SYN3: variants seen among roughly 807,000 people sequenced by gnomAD.
SYN3 encodes synapsin III.
A neutral mutation model predicts 65.8 loss-of-function variants in SYN3; 35 were observed. The observed-to-expected ratio is 0.53, with a 90% CI of 0.41 to 0.70. The LOEUF is 0.70. Among genes scored for constraint, SYN3 ranks in the 30% least tolerant of loss-of-function variants. SYN3 has a pLI of 0.00. For synonymous variants in SYN3, 270 were observed against 292.9 expected (o/e 0.92, Z 0.80); for missense variants, 680 against 749.0 (o/e 0.91, Z 1.08).
intron 13 of SYN3, 149 bp from the exon 14 acceptor site, chr22:32,513,973 A>G (rs1347154106): frequency 7.9e-6 from 8 of 1,008,192 alleles, no homozygotes; most frequent in Non-Finnish European, 1.1e-5. Context: ...TGCTTACATG[A>G]TGTCAGGTAC....
At chr22:32,842,172 C>T (rs2047929175) in intron 6 of SYN3, among the ~76,000 whole-genome samples, 1 of 152,204 alleles carries the variant, frequency 6.6e-6, no homozygotes, top group African/African-American at 2.4e-5. Context: ...CGACTTCACC[C>T]AGACCCCACG....
intron 6 of SYN3, among the ~76,000 whole-genome samples, chr22:32,718,520 A>G (rs1416481160): frequency 6.6e-6 from 1 of 151,930 alleles, no homozygotes; most frequent in Non-Finnish European, 1.5e-5. Flanking sequence ...AAAAAAAAAA[A>G]GAAAAAAGAA....
chr22:32,797,980 G>A (rs1250379851), intron 6 of SYN3, among the ~76,000 whole-genome samples: 1 of 152,162 alleles, frequency 6.6e-6, no homozygotes, highest in Non-Finnish European at 1.5e-5. Flanking sequence ...TGCAACATTG[G>A]GAACAAATCT....
chr22:32,992,799 C>A (rs998346643), intron 2 of SYN3, among the ~76,000 whole-genome samples: 2 of 152,066 alleles, frequency 1.3e-5, no homozygotes, highest in African/African-American at 4.8e-5. Context: ...GGTGACATAG[C>A]GAGACTCCAT....
intron 7 of SYN3, among the ~76,000 whole-genome samples, chr22:32,574,555 G>A (rs2058825485): frequency 6.6e-6 from 1 of 152,178 alleles, no homozygotes; most frequent in Non-Finnish European, 1.5e-5. Context: ...TTCATAACAT[G>A]CACCTACAGG....
chr22:32,988,472 G>A (rs1255306850), intron 2 of SYN3, among the ~76,000 whole-genome samples: 1 of 152,078 alleles, frequency 6.6e-6, no homozygotes, highest in Non-Finnish European at 1.5e-5. Context: ...CAAAGACGCT[G>A]AACATACACA....
intron 3 of SYN3, among the ~76,000 whole-genome samples, chr22:32,964,511 T>G (rs1278527990): frequency 1.3e-5 from 2 of 151,742 alleles, no homozygotes; most frequent in African/African-American, 4.8e-5. Flanking sequence ...CTTTAGGCTG[T>G]AAGAAGCAGG....
intron 6 of SYN3, among the ~76,000 whole-genome samples, chr22:32,679,739 A>G (rs1390181022): frequency 1.3e-5 from 2 of 151,440 alleles, no homozygotes; most frequent in African/African-American, 4.9e-5. Context: ...CATGTTCAGC[A>G]TCTTTTCATA....
At chr22:32,931,564 G>C (rs2050635591) in intron 3 of SYN3, 83 bp from the exon 4 acceptor site, 2 of 884,554 alleles carry the variant, frequency 2.3e-6, no homozygotes, top group African/African-American at 1.6e-5. Flanking sequence ...GTACTTAGAG[G>C]TACAAAGTAC....
In SYN3 at chr22:32,642,597, C is replaced by T. The variant is rs544554200; in HGVS notation, c.712-45861G>A. 1.1e-4 allele frequency among the ~76,000 whole-genome samples: 17 copies of T among 151,980 alleles called. No individual in the cohort carries two copies. The South Asian group carries it at 3.1e-3, about 28-fold the overall frequency. Reference sequence around the variant, plus strand: ...GCTGGGACTACAGGCGCCCCCACCACGCCTGGCTAATTTTTTGTATTTTTA... The same window carrying T: ...GCTGGGACTACAGGCGCCCCCACCATGCCTGGCTAATTTTTTGTATTTTTA... On this transcript the variant is annotated intron_variant, in intron 6 of 13. Coordinates refer to ENST00000358763, the MANE Select transcript of SYN3 (RefSeq NM_003490.4).
intron 4 of SYN3, among the ~76,000 whole-genome samples, chr22:32,904,733 C>T (rs927662999): frequency 6.6e-6 from 1 of 152,254 alleles, no homozygotes; most frequent in African/African-American, 2.4e-5. Flanking sequence ...CCACTCCACG[C>T]AACACTTGGA....
rs1051914425 is a variant in SYN3 at position 32,859,544 on chromosome 22, C to T, written c.711+5371G>A. The T allele has an allele frequency of 4.1e-5, 36 of 877,780 alleles. No individual in the cohort carries two copies. In the African/African-American group the frequency reaches 5.6e-4, roughly 14 times the overall value. The allele number at this position is 877,780 out of a possible 1,614,324, so 54.4% of individuals were successfully genotyped here. On this transcript the variant is annotated intron_variant, in intron 6 of 13. Transcript: ENST00000358763. ...GCTGTCATATGGGGTTTATTGGGAA[C>T]TATCCTCCTGGCCCCACCCTGCCCC... is the stretch of plus-strand genomic sequence containing the variant.
At chr22:32,601,029 A>T (rs1242127443) in intron 6 of SYN3, among the ~76,000 whole-genome samples, 1 of 152,102 alleles carries the variant, frequency 6.6e-6, no homozygotes, top group Non-Finnish European at 1.5e-5. Flanking sequence ...TTTGCAGGTG[A>T]TTGCTGAACA....
intron 3 of SYN3, among the ~76,000 whole-genome samples, chr22:32,965,611 A>G (rs1364528491): frequency 6.6e-6 from 1 of 152,026 alleles, no homozygotes; most frequent in Non-Finnish European, 1.5e-5. Context: ...AGAGAGAGAC[A>G]GATAGATAAT....
intron 6 of SYN3, among the ~76,000 whole-genome samples, chr22:32,618,969 G>A (rs1210341357): frequency 6.6e-6 from 1 of 152,158 alleles, no homozygotes; most frequent in African/African-American, 2.4e-5. Flanking sequence ...TAAGCTGAAG[G>A]ACTGCAAAAT....
intron 4 of SYN3, among the ~76,000 whole-genome samples, chr22:32,876,905 C>T (rs1486238493): frequency 1.3e-5 from 2 of 152,210 alleles, no homozygotes; most frequent in African/African-American, 4.8e-5. Flanking sequence ...TTTACTAAAA[C>T]TTTCGGTTGG....
At chr22:32,820,261 TGC>T (rs1254249208) in intron 6 of SYN3, among the ~76,000 whole-genome samples, 11 of 147,778 alleles carry the variant, frequency 7.4e-5, no homozygotes, top group South Asian at 2.3e-4. Context: ...TGTGTGTGTG[TGC>T]GTGCGCGTGT....
chr22:32,795,824 T>C (rs975154118), intron 6 of SYN3, among the ~76,000 whole-genome samples: 25 of 152,268 alleles, frequency 1.6e-4, no homozygotes, highest in South Asian at 4.2e-4. Flanking sequence ...ATGCGATCAA[T>C]GGTGTTAACT....
intron 3 of SYN3, among the ~76,000 whole-genome samples, chr22:32,961,648 T>C (rs1255267020): frequency 6.6e-6 from 1 of 152,250 alleles, no homozygotes; most frequent in East Asian, 1.9e-4. Context: ...GGTTTGGTCT[T>C]GCTGCCAGCT....
Sources: gnomAD v4.1 joint callset for allele counts (sites outside exome capture counted in the v4.1 genomes callset) on GRCh38, gnomAD v4.1.1 for gene constraint, MANE v1.5 for transcripts, NCBI Gene and HGNC (gene_info 2026-07-23, HGNC 2026-07-21) for gene names.